The following BAP1 variants were observed in gnomAD, a reference collection of about 807,000 sequenced individuals.
BAP1 encodes the protein BRCA1 associated deubiquitinase 1.
In BAP1, 16 loss-of-function variants were observed where a neutral mutation model predicts 77.2. That is an observed-to-expected ratio of 0.21 (90% confidence interval 0.14 to 0.31). The LOEUF (loss-of-function observed/expected upper bound fraction) is 0.31. BAP1 is among the 10% of genes least tolerant of loss of function. The pLI is 1.00. For synonymous variants in BAP1, 362 were observed against 385.2 expected (o/e 0.94, Z 0.71); for missense variants, 699 against 967.3 (o/e 0.72, Z 3.68).
intron 7 of BAP1, 115 bp from the exon 8 acceptor site, chr3:52,407,022 G>A: frequency 1.3e-6 from 2 of 1,492,054 alleles, no homozygotes; most frequent in Non-Finnish European, 9.2e-7. Context: ...GAGCTGGTCG[G>A]GCAATATGGT....
rs779774919 is a variant in BAP1 at position 52,405,209 on chromosome 3, T to A, written c.1017A>T (p.Pro339=). 6.2e-7 allele frequency: 1 copy of A among 1,614,106 alleles called. No individual in the cohort carries two copies. Among genetic ancestry groups the A allele is most frequent in the Admixed American group, 1.7e-5 (1 of 60,018 alleles). Residue 339 remains proline, a synonymous_variant, in exon 11 of 17, where the codon CCA becomes CCT. Transcript: ENST00000460680. ...PNKPKLVVKP[P]GSSLNGVHPN... ...GGTGAACCCCATTGAGGCTGCTGCC[T>A]GGAGGCTTCACCACTAGCTTGGGTT...
In BAP1 at chr3:52,403,733, G is replaced by C. The variant is rs749456076; in HGVS notation, c.1412C>G (p.Ala471Gly). The C allele has an allele frequency of 6.2e-7, 1 of 1,614,056 alleles. No individual in the cohort carries two copies. Among genetic ancestry groups the C allele is most frequent in the East Asian group, 2.2e-5 (1 of 44,886 alleles). ...IPLSIKTSSGAGSPAVAVPTH... is the reference protein window; with the variant it reads ...IPLSIKTSSGGGSPAVAVPTH... ...GGGCACTGCCACAGCCGGACTCCCA[G>C]CCCCGCTGCTAGTCTTGATGGACAG... is the stretch of plus-strand genomic sequence containing the variant. Residue 471 changes from alanine (A) to glycine (G), a missense_variant, in exon 13 of 17, where the codon GCT (alanine) becomes GGT (glycine). Ala to Gly is a moderately conservative substitution (Grantham distance 60). Transcript: ENST00000460680. The surrounding 1 kb of genome is among the most constrained non-coding windows in gnomAD (Gnocchi z 4.0).
chr3:52,408,435 G>C (rs2153228247), intron 4 of BAP1, 39 bp downstream of exon 4: 1 of 1,604,020 alleles, frequency 6.2e-7, no homozygotes, highest in Non-Finnish European at 8.5e-7. Context: ...AAACATGGCA[G>C]CATCCCACCC....
rs991570993 is a variant in BAP1, at chr3:52,409,860, C to G, written c.19G>C (p.Glu7Gln). 1.2e-6 allele frequency: 2 copies of G among 1,610,794 alleles called. No homozygotes were observed. Among genetic ancestry groups the G allele is most frequent in the Non-Finnish European group, 1.7e-6 (2 of 1,179,928 alleles). Residue 7 changes from glutamate to glutamine, a missense_variant, in exon 1 of 17, where the codon GAG becomes CAG. This residue lies in a region of BAP1 where 160 missense variants were observed against 322.8 expected (regional missense o/e 0.50). Coordinates refer to ENST00000460680, the MANE Select transcript of BAP1 (RefSeq NM_004656.4). ...TCCTCACCTGGGTCGCTCTCCAGCTCCAGCCAGCCCTTATTCATCTTCCCG... is the reference window on the plus strand; with the variant it reads ...TCCTCACCTGGGTCGCTCTCCAGCTGCAGCCAGCCCTTATTCATCTTCCCG... MNKGWLELESDPGLFTL... is the reference protein window; with the variant it reads MNKGWLQLESDPGLFTL...
intron 5 of BAP1, 82 bp from the exon 6 acceptor site, chr3:52,407,542 AG>A: frequency 6.4e-7 from 1 of 1,574,100 alleles, no homozygotes; most frequent in Non-Finnish European, 8.7e-7. Flanking sequence ...TTCAGAGAGC[AG>A]CCTGGAGGCA....
chr3:52,405,734 G>C (rs759851868), intron 10 of BAP1, 31 bp downstream of exon 10: 8 of 1,611,726 alleles, frequency 5.0e-6, no homozygotes, highest in Non-Finnish European at 6.8e-6. Context: ...GTGGCTCTGA[G>C]GTCCACAAGA....
chr3:52,405,270 G>A lies in BAP1; in HGVS notation c.956C>T (p.Ser319Leu), dbSNP rs1553645329. The A allele has an allele frequency of 1.2e-6, 2 of 1,613,836 alleles. No homozygotes were observed. The highest frequency in any genetic ancestry group is 2.2e-5 in the South Asian group (2 of 91,084). The change falls in exon 11 of 17, where the codon TCA (serine) becomes TTA (leucine). Residue 319 changes from serine (S) to leucine (L), a missense_variant. Physicochemically the swap from Ser to Leu is moderately radical, Grantham distance 145. Around this residue, in one of 3 missense-constraint regions of BAP1, gnomAD observed 475 missense variants for 532.4 expected, o/e 0.89. Coordinates refer to ENST00000460680, the MANE Select transcript of BAP1 (RefSeq NM_004656.4). ...GCTGTGGGATGGGGCTTGTGCGCAT[G>A]AACCAGCCGCCTCCTCTGCACCATC... ...HTDGAEEAAG[S>L]CAQAPSHSPP...
At chr3:52,408,447 CCAAA>C in intron 4 of BAP1, 23 bp downstream of exon 4, 2 of 1,608,354 alleles carry the variant, frequency 1.2e-6, no homozygotes, top group Non-Finnish European at 1.7e-6. Flanking sequence ...ATCCCACCCT[CCAAA>C]CAAAGCACAG....
rs1705084080 is a variant in BAP1, at chr3:52,404,502, A to AGTCATCCTCATC, written c.1189_1200dup (p.Asp397_Asp400dup). The AGTCATCCTCATC allele has an allele frequency of 6.2e-7, 1 of 1,613,990 alleles. No individual in the cohort carries two copies. Among genetic ancestry groups the AGTCATCCTCATC allele is most frequent in the Non-Finnish European group, 8.5e-7 (1 of 1,180,034 alleles). On this transcript the variant is annotated inframe_insertion, in exon 12 of 17. Transcript: ENST00000460680. ...ACGTCATCCTCCTCGTCATCCTCATAGTCATCCTCATCATCTGAGTACTGC... is the reference window on the plus strand; with the variant it reads ...ACGTCATCCTCCTCGTCATCCTCATAGTCATCCTCATCGTCATCCTCATCATCTGAGTACTGC...
rs753264498 is a variant in BAP1, at chr3:52,403,482, G to A, written c.1663C>T (p.Pro555Ser). The A allele has an allele frequency of 6.2e-7, 1 of 1,614,002 alleles. No individual in the cohort carries two copies. The highest frequency in any genetic ancestry group is 1.6e-4 in the Middle Eastern group (1 of 6,062). Residue 555 changes from proline to serine, a missense_variant, in exon 13 of 17, where the codon CCT becomes TCT. Pro to Ser is a moderately conservative substitution (Grantham distance 74). Coordinates refer to ENST00000460680, the MANE Select transcript of BAP1 (RefSeq NM_004656.4). The surrounding 1 kb of genome is among the most constrained non-coding windows in gnomAD (Gnocchi z 4.0). The stretch of plus-strand genomic sequence containing the variant: ...TGCAGCAGGCCTGTGCTGATGACAG[G>A]ACCCAGATCACGGACAGCACGGTTG... ...RYNRAVRDLG[P>S]VISTGLLHLA...
chr3:52,407,828 T>G (rs1441229469), intron 5 of BAP1, 130 bp downstream of exon 5: 4 of 1,425,100 alleles, frequency 2.8e-6, no homozygotes, highest in Non-Finnish European at 3.9e-6. Context: ...GAGTCAAATG[T>G]AACATAAACA....
Position 52,408,042 on chromosome 3 carries a change from C to T in BAP1, c.291G>A (p.Leu97=), listed in dbSNP as rs2153228128. The T allele has an allele frequency of 6.2e-7, 1 of 1,612,782 alleles. No individual in the cohort carries two copies. The highest frequency in any genetic ancestry group is 8.5e-7 in the Non-Finnish European group (1 of 1,179,440). Residue 97 remains leucine (L), a synonymous_variant, in exon 5 of 17, where the codon CTG becomes CTA. Transcript: ENST00000460680. Reference sequence around the variant, plus strand: ...CGCTGCTGCAGTTCAGGAGCACGCTCAGCAAGGCATGAGTTGCACAAGAGT... The same window carrying T: ...CGCTGCTGCAGTTCAGGAGCACGCTTAGCAAGGCATGAGTTGCACAAGAGT... The part of the protein sequence containing the change: ...IPNSCATHAL[L]SVLLNCSSVD...
rs1553644806 is a variant in BAP1 at position 52,403,437 on chromosome 3, G to A, written c.1708C>T (p.Leu570=). The part of the protein sequence containing the change: ...GLLHLAEDGV[L]SPLALTEGGK... ...CCACCTGTCAGCGCCAGGGGACTCAGCACCCCATCCTCAGCCAGGTGCAGC... is the reference window on the plus strand; with the variant it reads ...CCACCTGTCAGCGCCAGGGGACTCAACACCCCATCCTCAGCCAGGTGCAGC... The change falls in exon 13 of 17, where the codon CTG becomes TTG. Residue 570 remains leucine (L), a synonymous_variant. Transcript: ENST00000460680. This position sits in a 1 kb window ranked among gnomAD's most constrained non-coding sequence, Gnocchi z 4.0. 6.2e-7 allele frequency: 1 copy of A among 1,613,832 alleles called. No individual in the cohort carries two copies. Among genetic ancestry groups the A allele is most frequent in the Non-Finnish European group, 8.5e-7 (1 of 1,179,966 alleles).
chr3:52,404,287 TC>T (rs1391158285), intron 12 of BAP1, among the ~76,000 whole-genome samples, 165 bp downstream of exon 12: 1 of 152,146 alleles, frequency 6.6e-6, no homozygotes, highest in African/African-American at 2.4e-5. Flanking sequence ...ACCAAAAACT[TC>T]CTGGGGACCT....
In BAP1 at chr3:52,404,439, A is replaced by G; in HGVS notation, c.1250+14T>C. On this transcript the variant is annotated intron_variant, in intron 12 of 16. Transcript: ENST00000460680. The stretch of plus-strand genomic sequence containing the variant: ...AGCACCTAGAACCTGGTAGCCTTAG[A>G]AAGCTGGGCTGACCTAAGGGCAGAG... 6.2e-7 allele frequency: 1 copy of G among 1,614,222 alleles called. No homozygotes were observed. The highest frequency in any genetic ancestry group is 8.5e-7 in the Non-Finnish European group (1 of 1,180,044).
intron 6 of BAP1, 25 bp from the exon 7 acceptor site, chr3:52,407,341 CA>C (rs752121714): frequency 6.2e-7 from 1 of 1,614,096 alleles, no homozygotes; most frequent in East Asian, 2.2e-5. Context: ...AGTCAGGGCC[CA>C]AAAAATGATA....
rs1705037680 is a variant in BAP1, at chr3:52,403,466, C to T, written c.1679G>A (p.Gly560Asp). The change falls in exon 13 of 17, where the codon GGC becomes GAC. Residue 560 changes from glycine (G) to aspartate (D), a missense_variant. Around this residue, in one of 3 missense-constraint regions of BAP1, gnomAD observed 475 missense variants for 532.4 expected, o/e 0.89. Coordinates refer to ENST00000460680, the MANE Select transcript of BAP1 (RefSeq NM_004656.4). The surrounding 1 kb of genome is among the most constrained non-coding windows in gnomAD (Gnocchi z 4.0). ...VRDLGPVIST[G>D]LLHLAEDGVL... ...CCCATCCTCAGCCAGGTGCAGCAGG[C>T]CTGTGCTGATGACAGGACCCAGATC... 7 of 1,613,854 alleles carry T rather than the reference C, an allele frequency of 4.3e-6. No homozygotes were observed. Among genetic ancestry groups the T allele is most frequent in the Admixed American group, 1.7e-5 (1 of 60,010 alleles).
At chr3:52,409,432 T>G in intron 3 of BAP1, 122 bp downstream of exon 3, 1 of 1,329,600 alleles carries the variant, frequency 7.5e-7, no homozygotes, top group South Asian at 1.2e-5. Flanking sequence ...GCAAGGCTGC[T>G]GCTTTCTGTG....
chr3:52,405,228 T>C lies in BAP1; in HGVS notation c.998A>G (p.Lys333Arg), dbSNP rs774251645. 2 of 1,613,854 alleles carry C rather than the reference T, an allele frequency of 1.2e-6. No homozygotes were observed. Among genetic ancestry groups the C allele is most frequent in the African/African-American group, 2.7e-5 (2 of 74,894 alleles). ...APSHSPPNKP[K>R]LVVKPPGSSL... ...GCTGCCTGGAGGCTTCACCACTAGCTTGGGTTTGTTGGGAGGGCTGTGGGA... is the reference window on the plus strand; with the variant it reads ...GCTGCCTGGAGGCTTCACCACTAGCCTGGGTTTGTTGGGAGGGCTGTGGGA... The change falls in exon 11 of 17, where the codon AAG (lysine) becomes AGG (arginine). Residue 333 changes from lysine to arginine, a missense_variant. Transcript: ENST00000460680.
Sources: gnomAD v4.1 joint callset for allele counts (sites outside exome capture counted in the v4.1 genomes callset) on GRCh38, gnomAD v4.1.1 for gene constraint, gnomAD v4.1.1 regional missense constraint, Gnocchi (gnomAD v3.1) non-coding constraint, MANE v1.5 for transcripts, NCBI Gene and HGNC (gene_info 2026-07-23, HGNC 2026-07-21) for gene names.